The following WDR62 variants were observed in gnomAD, a reference collection of about 807,000 sequenced individuals.
WDR62 encodes the protein WD repeat-containing protein 62.
Under a neutral mutation model 160.6 loss-of-function variants are expected in WDR62, and 112 were observed. That is an observed-to-expected ratio of 0.70 (90% CI 0.60 to 0.82). The LOEUF (loss-of-function observed/expected upper bound fraction) is 0.82, where lower values mean the gene tolerates loss of function less well. Ranked by LOEUF, WDR62 falls within the 40% of genes least tolerant of loss-of-function variation. The probability of loss-of-function intolerance (pLI) is 0.00; values close to 1 mark genes in which losing one functional copy is unlikely to be tolerated. For missense variants in WDR62, 1,819 were observed against 1,983.8 expected (o/e 0.92, Z 1.58); for synonymous variants, 792 against 815.1 (o/e 0.97, Z 0.48).
At chr19:36,099,702 A>G (rs1423460380) in intron 22 of WDR62, 85 bp downstream of exon 22, 30 of 1,329,504 alleles carry the variant, frequency 2.3e-5, no homozygotes, top group Non-Finnish European at 3.1e-5. Context: ...CTCCCACTCC[A>G]TGGGGGCAGG....
In WDR62 at chr19:36,104,820, T is replaced by C; in HGVS notation, c.4364T>C (p.Leu1455Pro). ...DTGQQQARTE[L>P]VSTFLWIHSQ... is the part of the protein sequence containing the mutation. Reference sequence around the variant, plus strand: ...GGGCAGCAGCAGGCACGGACTGAGCTGGTCTCCACCTTCCTGTGGATCCAC... The same window carrying C: ...GGGCAGCAGCAGGCACGGACTGAGCCGGTCTCCACCTTCCTGTGGATCCAC... Residue 1455 changes from leucine (L) to proline (P), a missense_variant, in exon 32 of 32, where the codon CTG becomes CCG. Physicochemically the swap from Leu to Pro is moderately conservative, Grantham distance 98 (BLOSUM62 -3). This residue lies in a region of WDR62 where 770 missense variants were observed against 734.2 expected (regional missense o/e 1.05). Transcript: ENST00000401500. The C allele has an allele frequency of 6.2e-7, 1 of 1,613,568 alleles. No homozygotes were observed. Among genetic ancestry groups the C allele is most frequent in the South Asian group, 1.1e-5 (1 of 91,076 alleles).
At chr19:36,108,039 T>C (rs1043632328), downstream of WDR62, among the ~76,000 whole-genome samples, 2 of 151,590 alleles carry the variant, frequency 1.3e-5, no homozygotes, top group African/African-American at 4.9e-5. Context: ...CCCTGGGAGC[T>C]GTTACCACCC....
chr19:36,063,516 G>T (rs899317883), intron 3 of WDR62, among the ~76,000 whole-genome samples: 25 of 152,218 alleles, frequency 1.6e-4, no homozygotes, highest in African/African-American at 5.8e-4. Flanking sequence ...CTCCCAAAGT[G>T]CTGGGATTAC....
intron 16 of WDR62, 148 bp downstream of exon 16, chr19:36,090,668 G>C: frequency 1.3e-6 from 1 of 780,104 alleles, no homozygotes; most frequent in South Asian, 1.4e-5. Context: ...GGATGCTTGC[G>C]AGAGGGTGGG....
chr19:36,092,267 C>T (rs1015771740), intron 18 of WDR62, among the ~76,000 whole-genome samples: 3 of 149,196 alleles, frequency 2.0e-5, no homozygotes, highest in East Asian at 4.0e-4. Flanking sequence ...GCTGAGATCG[C>T]GTCACTGCAC....
intron 8 of WDR62, 108 bp downstream of exon 8, chr19:36,071,824 C>A (rs1971317259): frequency 1.5e-6 from 2 of 1,377,252 alleles, no homozygotes; most frequent in Non-Finnish European, 9.8e-7. Flanking sequence ...CCCACAAATA[C>A]CCATCATGAC....
At position 36,055,003 on chromosome 19, in the gene WDR62, G is replaced by A; in HGVS notation, c.32G>A (p.Arg11Gln). The A allele has an allele frequency of 6.2e-7, 1 of 1,607,420 alleles. No homozygotes were observed. Among genetic ancestry groups the A allele is most frequent in the African/African-American group, 1.3e-5 (1 of 75,000 alleles). MAAVGSGGYA[R>Q]NDAGEKLPSV... ...GCCGTAGGGTCCGGAGGCTATGCGC[G>A]GAACGATGCAGGGGAGAAGCTGCCC... The change falls in exon 1 of 32, where the codon CGG becomes CAG. Residue 11 changes from arginine to glutamine, a missense_variant. Around this residue, in one of 3 missense-constraint regions of WDR62, gnomAD observed 115 missense variants for 92.4 expected, o/e 1.24. Coordinates refer to ENST00000401500, the MANE Select transcript of WDR62 (RefSeq NM_001083961.2).
At chr19:36,056,546 A>G (rs1211266232) in intron 1 of WDR62, among the ~76,000 whole-genome samples, 1 of 152,182 alleles carries the variant, frequency 6.6e-6, no homozygotes, top group Non-Finnish European at 1.5e-5. Flanking sequence ...CTATCTTGAA[A>G]GGCCTTCTCG....
intron 10 of WDR62, 183 bp downstream of exon 10, chr19:36,081,753 C>T (rs1292602480): frequency 1.3e-5 from 10 of 778,550 alleles, no homozygotes; most frequent in African/African-American, 1.2e-4. Flanking sequence ...CCTGCCCCCT[C>T]TCTGAGGTGG....
chr19:36,073,233 A>C, intron 8 of WDR62, 109 bp from the exon 9 acceptor site: 1 of 1,048,270 alleles, frequency 9.5e-7, no homozygotes, highest in Non-Finnish European at 1.5e-6. Flanking sequence ...GATGGCCACA[A>C]ATACCATGAG....
chr19:36,103,207 C>A lies in WDR62; in HGVS notation c.3514C>A (p.Pro1172Thr). 2 of 1,613,650 alleles carry A rather than the reference C, an allele frequency of 1.2e-6. No individual in the cohort carries two copies. The highest frequency in any genetic ancestry group is 1.3e-5 in the African/African-American group (1 of 75,028). The change falls in exon 29 of 32, where the codon CCT becomes ACT. Residue 1172 changes from proline to threonine, a missense_variant and splice_region_variant. Around this residue, in one of 3 missense-constraint regions of WDR62, gnomAD observed 770 missense variants for 734.2 expected, o/e 1.05. Coordinates refer to ENST00000401500, the MANE Select transcript of WDR62 (RefSeq NM_001083961.2). ...EETLEAWRPP[P>T]PCLTSLASCV... is the part of the protein sequence containing the mutation. ...GACCCTGGAGGCCTGGCGCCCACCA[C>A]GTGAGTGCCCCAGTCCCAGACGGAC... is the stretch of plus-strand genomic sequence containing the variant.
intron 3 of WDR62, among the ~76,000 whole-genome samples, chr19:36,065,652 G>A (rs888100755): frequency 6.6e-6 from 1 of 152,222 alleles, no homozygotes; most frequent in Non-Finnish European, 1.5e-5. Context: ...TTACAGGGTG[G>A]ATAGGGTCTT....
downstream of WDR62, among the ~76,000 whole-genome samples, chr19:36,109,257 T>C (rs1280720815): frequency 6.6e-6 from 1 of 152,178 alleles, no homozygotes; most frequent in Non-Finnish European, 1.5e-5. Flanking sequence ...CAGGAAGCCA[T>C]CCCTGTACCC....
intron 20 of WDR62, among the ~76,000 whole-genome samples, chr19:36,096,001 C>T (rs1480034161): frequency 6.6e-6 from 1 of 152,222 alleles, no homozygotes; most frequent in Non-Finnish European, 1.5e-5. Flanking sequence ...GTGGAGACCA[C>T]TCCTAAGCCT....
intron 1 of WDR62, among the ~76,000 whole-genome samples, chr19:36,056,955 G>T (rs763597960): frequency 6.6e-6 from 1 of 152,012 alleles, no homozygotes; most frequent in East Asian, 1.9e-4. Flanking sequence ...GGGACTGCAG[G>T]CGCATGCCAC....
chr19:36,090,223 C>T (rs748344403), intron 15 of WDR62, among the ~76,000 whole-genome samples: 1 of 152,198 alleles, frequency 6.6e-6, no homozygotes, highest in Non-Finnish European at 1.5e-5. Context: ...TCATGCGGTG[C>T]CAAGCACTGA....
chr19:36,066,052 TG>T lies in WDR62; in HGVS notation c.390+43del, dbSNP rs569605828. On this transcript the variant is annotated intron_variant, in intron 4 of 31. Coordinates refer to ENST00000401500, the MANE Select transcript of WDR62 (RefSeq NM_001083961.2). ...TCGTGACTGAGTGGGAGTCGGGGGC[TG>T]GGGGGTCTTGGAAGCCATTCCTTCT... 1.0e-3 allele frequency: 1,660 copies of T among 1,610,322 alleles called. 16 individuals are homozygous for T. In the African/African-American group the frequency reaches 0.018, roughly 18 times the overall value.
intron 7 of WDR62, chr19:36,070,120 A>G (rs2145614444): frequency 6.6e-6 from 1 of 152,070 alleles, no homozygotes; most frequent in African/African-American, 2.4e-5. Flanking sequence ...AAAAAAGACT[A>G]CACAAAATAC....
Position 36,060,072 on chromosome 19 carries a change from G to A in WDR62, c.332+42G>A, listed in dbSNP as rs747479360. On this transcript the variant is annotated intron_variant, in intron 3 of 31. Coordinates refer to ENST00000401500, the MANE Select transcript of WDR62 (RefSeq NM_001083961.2). Reference sequence around the variant, plus strand: ...GCCCGGGGCAGGGGTGGAACCAGGGGCTTGGCACGCCTCCCCTCCCCTACA... The same window carrying A: ...GCCCGGGGCAGGGGTGGAACCAGGGACTTGGCACGCCTCCCCTCCCCTACA... 1.9e-6 allele frequency: 3 copies of A among 1,596,238 alleles called. No homozygotes were observed. The African/African-American group carries it at 4.0e-5, about 21-fold the overall frequency.
Sources: gnomAD v4.1 joint callset for allele counts (sites outside exome capture counted in the v4.1 genomes callset) on GRCh38, gnomAD v4.1.1 for gene constraint, gnomAD v4.1.1 regional missense constraint, MANE v1.5 for transcripts, NCBI Gene and HGNC (gene_info 2026-07-23, HGNC 2026-07-21) for gene names.